Variants in KDM5A observed in about 807,000 individuals in gnomAD.
The protein encoded by KDM5A is lysine-specific demethylase 5A.
Under a neutral mutation model 193.5 loss-of-function variants are expected in KDM5A, and 42 were observed. That is an observed-to-expected ratio of 0.22 (90% CI 0.17 to 0.28). KDM5A has a LOEUF of 0.28. KDM5A is among the 10% of genes least tolerant of loss of function. The pLI, the probability that KDM5A is intolerant of heterozygous loss-of-function variation, is 1.00. For synonymous variants in KDM5A, 796 were observed against 718.1 expected (o/e 1.11, Z -1.73); for missense variants, 1,692 against 2,055.1 (o/e 0.82, Z 3.42).
At position 313,103 on chromosome 12, in the gene KDM5A, C is replaced by T. The variant is rs1943609654; in HGVS notation, c.2989G>A (p.Ala997Thr). 4 of 1,614,118 alleles carry T rather than the reference C, an allele frequency of 2.5e-6. No homozygotes were observed. Among genetic ancestry groups the T allele is most frequent in the Non-Finnish European group, 2.5e-6 (3 of 1,179,982 alleles). ...GTCCATTCTCGAGCCTTTTGTAAGG[C>T]TTCTTTCAAGGACAACACATTGGGT... is the stretch of plus-strand genomic sequence containing the variant. The part of the protein sequence containing the change: ...FLPNVLSLKE[A>T]LQKAREWTAK... Residue 997 changes from alanine to threonine, a missense_variant, in exon 20 of 28, where the codon GCC becomes ACC. Around this residue, in one of 11 missense-constraint regions of KDM5A, gnomAD observed 965 missense variants for 1,061.0 expected, o/e 0.91. Transcript: ENST00000399788.
At chr12:288,988 T>A (rs1424794378) in intron 27 of KDM5A, among the ~76,000 whole-genome samples, 1 of 152,222 alleles carries the variant, frequency 6.6e-6, no homozygotes, top group Non-Finnish European at 1.5e-5. Flanking sequence ...TAAAAGGAGA[T>A]ATGAACTAGT....
In KDM5A at chr12:307,350, A is replaced by G. The variant is rs1333727734; in HGVS notation, c.3930+104T>C. ...AGAATGCAATGGATAATTGCTGACAAGTTACTGTTATTTTCCTAATCAATT... is the reference window on the plus strand; with the variant it reads ...AGAATGCAATGGATAATTGCTGACAGGTTACTGTTATTTTCCTAATCAATT... On this transcript the variant is annotated intron_variant, in intron 23 of 27. Coordinates refer to ENST00000399788, the MANE Select transcript of KDM5A (RefSeq NM_001042603.3). The surrounding 1 kb of genome is among the most constrained non-coding windows in gnomAD (Gnocchi z 4.3). 1.6e-6 allele frequency: 2 copies of G among 1,274,760 alleles called. No individual in the cohort carries two copies. Among genetic ancestry groups the G allele is most frequent in the Non-Finnish European group, 2.3e-6 (2 of 883,550 alleles). 79.0% of individuals were successfully genotyped at this position (1,274,760 alleles called of 1,614,324 possible). A position where few individuals can be genotyped will look rare whatever the true frequency, so the allele number is the denominator to read the frequency against.
At chr12:328,450 A>C (rs1943820069) in intron 14 of KDM5A, among the ~76,000 whole-genome samples, 1 of 152,186 alleles carries the variant, frequency 6.6e-6, no homozygotes, top group Non-Finnish European at 1.5e-5. Flanking sequence ...TCATCAAATT[A>C]CTTAAAGGGG....
intron 3 of KDM5A, among the ~76,000 whole-genome samples, chr12:368,810 T>G (rs1944388943): frequency 6.6e-6 from 1 of 152,066 alleles, no homozygotes; most frequent in Non-Finnish European, 1.5e-5. Flanking sequence ...CTCACCATCA[T>G]CAAAATAGTA....
intron 26 of KDM5A, among the ~76,000 whole-genome samples, chr12:295,171 C>T (rs1381040090): frequency 6.6e-6 from 1 of 150,532 alleles, no homozygotes; most frequent in Non-Finnish European, 1.5e-5. Context: ...TTTTTTTCAA[C>T]TTAGATACTA....
rs1943889809 is a variant in KDM5A, at chr12:333,606, C to T, written c.1534G>A (p.Glu512Lys). 6.2e-7 allele frequency: 1 copy of T among 1,614,102 alleles called. No individual in the cohort carries two copies. The highest frequency in any genetic ancestry group is 8.5e-7 in the Non-Finnish European group (1 of 1,180,000). The change falls in exon 12 of 28, where the codon GAG becomes AAG. Residue 512 changes from glutamate to lysine, a missense_variant. Around this residue, in one of 11 missense-constraint regions of KDM5A, gnomAD observed 172 missense variants for 260.3 expected, o/e 0.66. Coordinates refer to ENST00000399788, the MANE Select transcript of KDM5A (RefSeq NM_001042603.3). ...TWYGVPSHAA[E>K]QLEEVMRELA... ...TCTCTCATCACCTCCTCCAGTTGCT[C>T]TGCAGCATGAGATGGCACACCATAC...
intron 3 of KDM5A, among the ~76,000 whole-genome samples, chr12:370,611 C>A (rs1399605364): frequency 1.2e-5 from 1 of 82,448 alleles, no homozygotes; most frequent in African/African-American, 3.4e-5. Context: ...GGAACAGAGA[C>A]TTTTTTTTTT....
At position 334,387 on chromosome 12, in the gene KDM5A, C is replaced by A. The variant is rs1235860514; in HGVS notation, c.1344G>T (p.Met448Ile). The A allele has an allele frequency of 6.2e-7, 1 of 1,613,896 alleles. No homozygotes were observed. Residue 448 changes from methionine to isoleucine, a missense_variant, in exon 11 of 28, where the codon ATG (methionine) becomes ATT (isoleucine). This residue lies in a region of KDM5A where 172 missense variants were observed against 260.3 expected (regional missense o/e 0.66). Transcript: ENST00000399788. ...YALSGWNLNNMPVLEQSVLAH... is the reference protein window; with the variant it reads ...YALSGWNLNNIPVLEQSVLAH... Reference sequence around the variant, plus strand: ...CAAGAACAGACTGTTCCAGGACAGGCATGTTATTCAAATTCCAACCAGAAA... The same window carrying A: ...CAAGAACAGACTGTTCCAGGACAGGAATGTTATTCAAATTCCAACCAGAAA...
rs148916768 is a variant in KDM5A, at chr12:367,490, A to G, written c.367-1386T>C. The stretch of plus-strand genomic sequence containing the variant: ...GCTGGGCAAATAGCCTGAGCTCAGG[A>G]GTTCAAGAGCAGCCTGCGCAACATA... On this transcript the variant is annotated intron_variant, in intron 3 of 27. Transcript: ENST00000399788. 2.7e-3 allele frequency among the ~76,000 whole-genome samples: 412 copies of G among 152,304 alleles called. 2 individuals carry two copies. The highest frequency in any genetic ancestry group is 9.5e-3 in the African/African-American group (396 of 41,560).
At chr12:329,424 G>C (rs1196006842) in intron 13 of KDM5A, among the ~76,000 whole-genome samples, 1 of 151,734 alleles carries the variant, frequency 6.6e-6, no homozygotes, top group African/African-American at 2.4e-5. Context: ...GGCCAAAAAG[G>C]GTTAAGTGGA....
In KDM5A at chr12:362,972, C is replaced by A; in HGVS notation, c.663G>T (p.Val221=). ...CCCAAGACATTGATACCTGAGTCTT[C>A]ACACGTCTTGTTCTCTTCGGCAGAA... ...MNILPKRTRR[V]KTQSESGDVS... Residue 221 remains valine (V), a synonymous_variant, in exon 5 of 28, where the codon GTG becomes GTT. Transcript: ENST00000399788. The A allele has an allele frequency of 1.9e-6, 3 of 1,614,148 alleles. No individual in the cohort carries two copies. Among genetic ancestry groups the A allele is most frequent in the Non-Finnish European group, 2.5e-6 (3 of 1,180,004 alleles).
At chr12:338,482 TG>T (rs1328836580) in intron 10 of KDM5A, among the ~76,000 whole-genome samples, 1 of 152,218 alleles carries the variant, frequency 6.6e-6, no homozygotes, top group African/African-American at 2.4e-5. Context: ...CTGGGAAGCC[TG>T]TGCCTGGTTT....
rs1943877884 is a variant in KDM5A at position 332,470 on chromosome 12, A to ACAT, written c.1654-535_1654-533dup. Among the ~76,000 whole-genome samples the ACAT allele has an allele frequency of 2.6e-5, 4 of 152,208 alleles. No individual in the cohort carries two copies. In the South Asian group the frequency reaches 8.3e-4, roughly 31 times the overall value. Reference sequence around the variant, plus strand: ...AAATTTATTATTTAAAAACAAAGTAACATTATAAATGTTAAACTACTTTCT... The same window carrying ACAT: ...AAATTTATTATTTAAAAACAAAGTAACATCATTATAAATGTTAAACTACTTTCT... On this transcript the variant is annotated intron_variant, in intron 12 of 27. Coordinates refer to ENST00000399788, the MANE Select transcript of KDM5A (RefSeq NM_001042603.3).
At chr12:382,655 G>A (rs986903864) in intron 3 of KDM5A, among the ~76,000 whole-genome samples, 9 of 152,076 alleles carry the variant, frequency 5.9e-5, no homozygotes, top group East Asian at 1.9e-4. Flanking sequence ...AGCCGGGCGC[G>A]GTGGCTCACG....
intron 20 of KDM5A, among the ~76,000 whole-genome samples, chr12:312,203 G>C (rs1943595989): frequency 6.6e-6 from 1 of 152,102 alleles, no homozygotes; most frequent in Admixed American, 6.6e-5. Context: ...TCTCTATCTA[G>C]CACTTATTTC....
intron 22 of KDM5A, among the ~76,000 whole-genome samples, chr12:308,358 A>G (rs956242156): frequency 6.6e-6 from 1 of 152,206 alleles, no homozygotes; most frequent in Non-Finnish European, 1.5e-5. Flanking sequence ...AAATGAGAAT[A>G]CTACCAACCG....
chr12:383,621 T>C (rs1286354999), intron 3 of KDM5A, among the ~76,000 whole-genome samples: 1 of 152,234 alleles, frequency 6.6e-6, no homozygotes, highest in South Asian at 2.1e-4. Flanking sequence ...TTATTTTGCA[T>C]ATTGTATATC....
At chr12:288,148 TTTGTGTGA>T (rs1312219776) in intron 27 of KDM5A, among the ~76,000 whole-genome samples, 1 of 152,216 alleles carries the variant, frequency 6.6e-6, no homozygotes, top group Non-Finnish European at 1.5e-5. Context: ...GAGTTCTACT[TTTGTGTGA>T]AAGGCCCACA....
At position 285,434 on chromosome 12, in the gene KDM5A, TC is replaced by T; in HGVS notation, c.*21del. The T allele has an allele frequency of 6.2e-7, 1 of 1,605,206 alleles. No individual in the cohort carries two copies. The highest frequency in any genetic ancestry group is 8.5e-7 in the Non-Finnish European group (1 of 1,172,054). ...TCAATGTGGTCCATGTCCCCCCATG[TC>T]CCAAACTAACCAAGCATCTGCTAAC... On this transcript the variant is annotated 3_prime_UTR_variant, in exon 28 of 28. Coordinates refer to ENST00000399788, the MANE Select transcript of KDM5A (RefSeq NM_001042603.3).
Sources: allele counts gnomAD v4.1 joint callset (sites outside exome capture counted in the v4.1 genomes callset), GRCh38; gene constraint gnomAD v4.1.1; regional missense constraint gnomAD v4.1.1; non-coding constraint Gnocchi (gnomAD v3.1); transcripts MANE v1.5; gene names NCBI Gene and HGNC (gene_info 2026-07-23, HGNC 2026-07-21).